Variants in TEKTIP1 observed in about 807,000 individuals in gnomAD.
TEKTIP1 encodes the protein tektin bundle interacting protein 1, also known as tektin bundle-interacting protein 1.
At chr19:3,539,538 C>T in the TEKTIP1 span, 3 of 475,812 alleles carry the variant, frequency 6.3e-6, no homozygotes, top group East Asian at 3.2e-5. Context: ...CAGAAATGTT[C>T]GCCCTCTGAA....
At chr19:3,543,480 G>GC in the TEKTIP1 span, 165,865 of 1,303,358 alleles carry the variant, frequency 0.13, 1,681 homozygotes, top group South Asian at 0.19. Context: ...TCGGGTGAGT[G>GC]CCCCCCCCCC....
chr19:3,540,655 G>A, the TEKTIP1 span, among the ~76,000 whole-genome samples: 2 of 151,314 alleles, frequency 1.3e-5, no homozygotes, highest in South Asian at 2.1e-4. Context: ...CGAGGCAGGC[G>A]GATCACCTGA....
the TEKTIP1 span, chr19:3,543,722 A>G: frequency 6.7e-7 from 1 of 1,497,754 alleles, no homozygotes; most frequent in Non-Finnish European, 9.0e-7. Context: ...GGCCAGGGGG[A>G]CAAGGCCACC....
At chr19:3,543,651 A>G in the TEKTIP1 span, 1 of 1,543,154 alleles carries the variant, frequency 6.5e-7, no homozygotes, top group Non-Finnish European at 8.7e-7. Flanking sequence ...GCGCTGTGGA[A>G]AGACAGGCCA....
At chr19:3,541,843 C>A in the TEKTIP1 span, 1 of 963,910 alleles carries the variant, frequency 1.0e-6, no homozygotes, top group Non-Finnish European at 1.2e-6. Context: ...GAGTCTCGCT[C>A]TCTCACCCAG....
chr19:3,542,830 G>A, the TEKTIP1 span: 1 of 1,375,616 alleles, frequency 7.3e-7, no homozygotes, highest in South Asian at 1.1e-5. Flanking sequence ...GCCAGCCCCA[G>A]ACCACTTCTT....
chr19:3,543,670 C>A, the TEKTIP1 span: 1 of 1,538,666 alleles, frequency 6.5e-7, no homozygotes, highest in Non-Finnish European at 8.8e-7. Flanking sequence ...CAATCCGGGG[C>A]AAGGAATACG....
At chr19:3,543,812 C>T in the TEKTIP1 span, 15 of 1,508,234 alleles carry the variant, frequency 9.9e-6, 2 homozygotes, top group South Asian at 1.6e-4. Flanking sequence ...ACATGGTGAC[C>T]CGAGTCCCAC....
the TEKTIP1 span, among the ~76,000 whole-genome samples, chr19:3,540,871 C>CAA: frequency 6.2e-4 from 38 of 61,070 alleles, no homozygotes; most frequent in African/African-American, 2.2e-3. Context: ...AACTCCATCT[C>CAA]AAAAAAAAAA....
the TEKTIP1 span, chr19:3,540,131 T>C: frequency 6.7e-6 from 1 of 149,168 alleles, no homozygotes; most frequent in African/African-American, 2.5e-5. Flanking sequence ...TCTCATACTG[T>C]TGCCCAGGCT....
chr19:3,540,936 C>A, the TEKTIP1 span, among the ~76,000 whole-genome samples: 2 of 151,378 alleles, frequency 1.3e-5, no homozygotes, highest in African/African-American at 4.9e-5. Context: ...TTTGGGAGGC[C>A]GAGGCGGGTG....
At chr19:3,541,674 G>T in the TEKTIP1 span, 3 of 985,286 alleles carry the variant, frequency 3.0e-6, no homozygotes, top group Non-Finnish European at 3.6e-6. Context: ...ATGGGCTCCC[G>T]CAAGTGTGTA....
chr19:3,542,118 G>A, the TEKTIP1 span: 2 of 985,318 alleles, frequency 2.0e-6, no homozygotes. Flanking sequence ...ACAATTTTGT[G>A]CTGTTTTAAT....
At chr19:3,542,302 A>C in the TEKTIP1 span, 2 of 985,400 alleles carry the variant, frequency 2.0e-6, no homozygotes, top group Non-Finnish European at 1.2e-6. Context: ...TCTAGTCAGG[A>C]TTTAAGCAGA....
chr19:3,541,927 A>G, the TEKTIP1 span: 1 of 521,758 alleles, frequency 1.9e-6, no homozygotes, highest in Non-Finnish European at 2.5e-6. Context: ...CTCCTGCCTC[A>G]GCTTCCCGAG....
At chr19:3,539,659 T>C in the TEKTIP1 span, 2 of 198,870 alleles carry the variant, frequency 1.0e-5, no homozygotes, top group Non-Finnish European at 2.0e-5. Context: ...GCCCCCGGTC[T>C]CTGCTTCTGT....
At chr19:3,543,543 G>C in the TEKTIP1 span, 24 of 1,216,344 alleles carry the variant, frequency 2.0e-5, no homozygotes, top group Non-Finnish European at 2.4e-5. Flanking sequence ...GCCAGCCCCC[G>C]CCCCACCGCA....
chr19:3,542,421 T>G, the TEKTIP1 span: 1 of 985,272 alleles, frequency 1.0e-6, no homozygotes, highest in African/African-American at 1.7e-5. Flanking sequence ...TGGGATGACT[T>G]CCTTGGGACA....
chr19:3,543,394 G>T, the TEKTIP1 span: 3 of 1,548,740 alleles, frequency 1.9e-6, no homozygotes, highest in African/African-American at 1.4e-5. Context: ...ACCTGCCACG[G>T]GCCCCGGCCA....
Sources: gnomAD v4.1 joint callset for allele counts (sites outside exome capture counted in the v4.1 genomes callset) on GRCh38, gnomAD v4.1.1 for gene constraint, MANE v1.5 for transcripts, NCBI Gene and HGNC (gene_info 2026-07-23, HGNC 2026-07-21) for gene names.